The following EXOC6B variants were observed in gnomAD, a reference collection of about 807,000 sequenced individuals.
The protein encoded by EXOC6B is exocyst complex component 6B.
EXOC6B carries 54 observed loss-of-function variants against 113.5 expected under a neutral mutation model. That is an observed-to-expected ratio of 0.48 (90% CI 0.38 to 0.60). EXOC6B has a LOEUF of 0.60. Among genes scored for constraint, EXOC6B ranks in the 20% least tolerant of loss-of-function variants. EXOC6B has a pLI of 0.00. For missense variants in EXOC6B, 797 were observed against 977.5 expected, an observed-to-expected ratio of 0.82 and a Z score of 2.46; for synonymous variants, 357 against 339.0, an observed-to-expected ratio of 1.05 and a Z score of -0.58.
In EXOC6B at chr2:72,704,204, G is replaced by A. The variant is rs1678662483; in HGVS notation, c.669+13899C>T. On this transcript the variant is annotated intron_variant, in intron 6 of 21. Transcript: ENST00000272427. ...AAAACCGCTCAACTACATGGAAACT[G>A]AACAACCTGCTCCTGAATGACTACT... Among the ~76,000 whole-genome samples the A allele has an allele frequency of 2.0e-5, 3 of 150,088 alleles. No homozygotes were observed. In the South Asian group the frequency reaches 6.6e-4, roughly 33 times the overall value.
At chr2:72,481,651 ATTAC>A (rs922622909) in intron 16 of EXOC6B, among the ~76,000 whole-genome samples, 7 of 152,172 alleles carry the variant, frequency 4.6e-5, no homozygotes, top group Admixed American at 2.0e-4. Flanking sequence ...CTTTATTATT[ATTAC>A]TTACTGATCT....
At chr2:72,192,116 T>G (rs1678880379) in intron 20 of EXOC6B, among the ~76,000 whole-genome samples, 1 of 152,160 alleles carries the variant, frequency 6.6e-6, no homozygotes, top group African/African-American at 2.4e-5. Flanking sequence ...TGCCAATTCT[T>G]GGGATATGAG....
chr2:72,221,995 G>C (rs1322463084), intron 20 of EXOC6B, among the ~76,000 whole-genome samples: 1 of 152,206 alleles, frequency 6.6e-6, no homozygotes, highest in Admixed American at 6.5e-5. Context: ...AAGGGCAAGG[G>C]AGATGAAGGA....
At chr2:72,334,485 A>G (rs1372496523) in intron 20 of EXOC6B, among the ~76,000 whole-genome samples, 1 of 152,136 alleles carries the variant, frequency 6.6e-6, no homozygotes, top group Non-Finnish European at 1.5e-5. Context: ...AGGCAGCAGG[A>G]AAAAGTCAAC....
intron 6 of EXOC6B, among the ~76,000 whole-genome samples, chr2:72,654,160 C>T (rs1674424696): frequency 6.6e-6 from 1 of 151,912 alleles, no homozygotes; most frequent in Non-Finnish European, 1.5e-5. Flanking sequence ...TTAGTAGAGA[C>T]GGGGTTTCAC....
At chr2:72,578,674 A>T (rs930229648) in intron 6 of EXOC6B, among the ~76,000 whole-genome samples, 2 of 152,132 alleles carry the variant, frequency 1.3e-5, no homozygotes, top group Non-Finnish European at 2.9e-5. Flanking sequence ...TAAGATGGAG[A>T]CCCTGACCCC....
intron 6 of EXOC6B, among the ~76,000 whole-genome samples, chr2:72,612,621 T>C (rs1157507538): frequency 1.3e-5 from 2 of 152,184 alleles, no homozygotes. Flanking sequence ...TTGCTAGAGA[T>C]AGAACCACCA....
chr2:72,530,834 C>T (rs1340598530), intron 8 of EXOC6B, among the ~76,000 whole-genome samples: 2 of 152,042 alleles, frequency 1.3e-5, no homozygotes, highest in African/African-American at 4.8e-5. Context: ...TAATAAACCT[C>T]GGTCTCTGGT....
At chr2:72,458,542 G>A (rs1697395817) in intron 18 of EXOC6B, among the ~76,000 whole-genome samples, 1 of 152,120 alleles carries the variant, frequency 6.6e-6, no homozygotes, top group African/African-American at 2.4e-5. Flanking sequence ...ACTTAAGCCT[G>A]TCAGTTACTT....
At chr2:72,685,499 A>G (rs1677024569) in intron 6 of EXOC6B, among the ~76,000 whole-genome samples, 1 of 152,154 alleles carries the variant, frequency 6.6e-6, no homozygotes, top group Admixed American at 6.5e-5. Flanking sequence ...GAGTGACTAC[A>G]CTTCTACTGA....
chr2:72,291,357 C>T (rs1488389258), intron 20 of EXOC6B, among the ~76,000 whole-genome samples: 3 of 152,296 alleles, frequency 2.0e-5, no homozygotes, highest in South Asian at 2.1e-4. Context: ...GCTGCCATGT[C>T]GGACTGAGAA....
At chr2:72,238,833 C>A (rs1682126397) in intron 20 of EXOC6B, among the ~76,000 whole-genome samples, 1 of 152,082 alleles carries the variant, frequency 6.6e-6, no homozygotes, top group Non-Finnish European at 1.5e-5. Context: ...AATATTTTCT[C>A]CCATTCTGTG....
At chr2:72,474,157 T>C (rs1698584903) in intron 17 of EXOC6B, among the ~76,000 whole-genome samples, 1 of 152,124 alleles carries the variant, frequency 6.6e-6, no homozygotes, top group South Asian at 2.1e-4. Flanking sequence ...GATTCCTTTA[T>C]AGGTAACTAG....
chr2:72,259,658 G>C (rs1683582015), intron 20 of EXOC6B, among the ~76,000 whole-genome samples: 1 of 152,166 alleles, frequency 6.6e-6, no homozygotes. Flanking sequence ...ATGTATGAGA[G>C]CTCTAACTGG....
intron 20 of EXOC6B, among the ~76,000 whole-genome samples, chr2:72,197,365 G>A (rs889060738): frequency 1.2e-4 from 18 of 152,096 alleles, no homozygotes; most frequent in Admixed American, 3.9e-4. Context: ...ATTCCCTTTC[G>A]AGCCTCTGTC....
At chr2:72,415,516 GT>G (rs1694467036) in intron 18 of EXOC6B, among the ~76,000 whole-genome samples, 1 of 150,598 alleles carries the variant, frequency 6.6e-6, no homozygotes, top group Non-Finnish European at 1.5e-5. Flanking sequence ...TCCATCTGTG[GT>G]TTCTTTTTTT....
chr2:72,478,234 C>T (rs1315647188), intron 17 of EXOC6B, among the ~76,000 whole-genome samples: 1 of 152,180 alleles, frequency 6.6e-6, no homozygotes, highest in African/African-American at 2.4e-5. Context: ...CTTTCATTCT[C>T]TTTTGTAAGA....
At chr2:72,488,983 C>A (rs968513159) in intron 16 of EXOC6B, among the ~76,000 whole-genome samples, 2 of 152,208 alleles carry the variant, frequency 1.3e-5, no homozygotes, top group East Asian at 3.8e-4. Context: ...GCTCACTCCA[C>A]TCCAGCTACC....
At chr2:72,505,692 C>G (rs1193246436) in intron 11 of EXOC6B, among the ~76,000 whole-genome samples, 1 of 151,990 alleles carries the variant, frequency 6.6e-6, no homozygotes, top group Non-Finnish European at 1.5e-5. Flanking sequence ...TTCATTTTTA[C>G]CTAGGTCTTC....
Sources: gnomAD v4.1 joint callset for allele counts (sites outside exome capture counted in the v4.1 genomes callset) on GRCh38, gnomAD v4.1.1 for gene constraint, MANE v1.5 for transcripts, NCBI Gene and HGNC (gene_info 2026-07-23, HGNC 2026-07-21) for gene names.